Variants in GSE1 observed in about 807,000 individuals in gnomAD.
GSE1 encodes the protein genetic suppressor element 1.
A neutral mutation model predicts 112.6 loss-of-function variants in GSE1; 32 were observed. That is an observed-to-expected ratio of 0.28 (90% CI 0.21 to 0.38). The LOEUF (loss-of-function observed/expected upper bound fraction) is 0.38, where lower values mean the gene tolerates loss of function less well. GSE1 is among the 10% of genes least tolerant of loss of function. The pLI is 1.00. For missense variants in GSE1, 2,348 were observed against 1,699.2 expected (o/e 1.38, Z -6.71); for synonymous variants, 1,115 against 735.6 (o/e 1.52, Z -8.35).
In GSE1 at chr16:85,255,757, C is replaced by A. The variant is rs145877484; in HGVS notation, c.2283+83950C>A. Among the ~76,000 whole-genome samples, 15 of 151,072 alleles carry A rather than the reference C, an allele frequency of 9.9e-5. No individual in the cohort carries two copies. In the East Asian group the frequency reaches 2.9e-3, roughly 30 times the overall value. Reference sequence around the variant, plus strand: ...TTTTTGGAGTGCAGTGGCGTGATCTCGGCTCACTGTAGCCTCCACCTCCTG... The same window carrying A: ...TTTTTGGAGTGCAGTGGCGTGATCTAGGCTCACTGTAGCCTCCACCTCCTG... On this transcript the variant is annotated intron_variant, in intron 1 of 2. Transcript: ENST00000637419.
At position 85,556,755 on chromosome 16, in the gene GSE1, C is replaced by T. The variant is rs1027708351; in HGVS notation, c.37+392C>T. ...CGCCCCGATCGGGTAGCATGCCCCCCCCCCCCCCAGTCCTGGGGTTTATTT... is the reference window on the plus strand; with the variant it reads ...CGCCCCGATCGGGTAGCATGCCCCCTCCCCCCCCAGTCCTGGGGTTTATTT... On this transcript the variant is annotated intron_variant, in intron 1 of 2. Coordinates refer to the GSE1 transcript ENST00000635906. Among the ~76,000 whole-genome samples the T allele has an allele frequency of 6.9e-5, 10 of 144,094 alleles. 1 individual carries two copies. The highest frequency in any genetic ancestry group is 2.1e-4 in the East Asian group (1 of 4,790). The allele number at this position is 144,094 out of a possible 152,430, so 94.5% of individuals were successfully genotyped here.
intron 2 of GSE1, among the ~76,000 whole-genome samples, chr16:85,397,580 T>C (rs2047997247): frequency 6.6e-6 from 1 of 152,156 alleles, no homozygotes; most frequent in Non-Finnish European, 1.5e-5. Context: ...GTTCACGAGG[T>C]TCCAAAGTCA....
upstream of GSE1, among the ~76,000 whole-genome samples, chr16:85,551,568 G>A (rs560614064): frequency 2.6e-5 from 4 of 152,334 alleles, no homozygotes; most frequent in East Asian, 1.9e-4. Flanking sequence ...GGCTCACGGC[G>A]GGGCACGGTG....
At chr16:85,590,496 G>T (rs1032014985) in intron 1 of GSE1, among the ~76,000 whole-genome samples, 5 of 148,370 alleles carry the variant, frequency 3.4e-5, no homozygotes, top group Non-Finnish European at 6.0e-5. Context: ...TGAACGCATG[G>T]GCCTGTGTGT....
At chr16:85,356,672 T>C (rs2151570302) in intron 1 of GSE1, among the ~76,000 whole-genome samples, 1 of 152,354 alleles carries the variant, frequency 6.6e-6, no homozygotes, top group South Asian at 2.1e-4. Flanking sequence ...TATTTATTTT[T>C]GTAAAGATGG....
intron 1 of GSE1, among the ~76,000 whole-genome samples, chr16:85,251,210 C>T (rs545395532): frequency 1.5e-3 from 221 of 152,304 alleles, no homozygotes; most frequent in African/African-American, 4.7e-3. Context: ...GAGTGCTCTC[C>T]GCAGAGCAGC....
At chr16:85,353,573 C>T (rs2046893381) in intron 1 of GSE1, among the ~76,000 whole-genome samples, 1 of 152,212 alleles carries the variant, frequency 6.6e-6, no homozygotes. Context: ...ATTGCATCCA[C>T]CTGTAGTCCC....
chr16:85,275,820 A>C (rs1215921279), intron 1 of GSE1, among the ~76,000 whole-genome samples: 1 of 152,170 alleles, frequency 6.6e-6, no homozygotes, highest in East Asian at 1.9e-4. Context: ...CTGGGAAGGG[A>C]AGGGCTTGGC....
intron 1 of GSE1, among the ~76,000 whole-genome samples, chr16:85,293,451 C>T (rs2045279813): frequency 6.6e-6 from 1 of 152,100 alleles, no homozygotes; most frequent in Non-Finnish European, 1.5e-5. Context: ...GAGGCTGAGG[C>T]AGGAGAATCG....
At chr16:85,287,230 C>T (rs2045059012) in intron 1 of GSE1, among the ~76,000 whole-genome samples, 1 of 152,224 alleles carries the variant, frequency 6.6e-6, no homozygotes, top group African/African-American at 2.4e-5. Flanking sequence ...GCAAGACGTG[C>T]ACCACTTGGT....
intron 1 of GSE1, among the ~76,000 whole-genome samples, chr16:85,257,957 G>A (rs1231452873): frequency 1.3e-5 from 2 of 152,230 alleles, no homozygotes; most frequent in Admixed American, 6.5e-5. Context: ...GGCCTAGGAG[G>A]GCTGGTGTGA....
At chr16:85,600,825 GT>G (rs1206870904) in intron 1 of GSE1, among the ~76,000 whole-genome samples, 2 of 152,122 alleles carry the variant, frequency 1.3e-5, no homozygotes, top group Non-Finnish European at 2.9e-5. Context: ...TTTTGGCTGG[GT>G]TTATTTTGGG....
chr16:85,486,914 C>G (rs894699795), intron 2 of GSE1, among the ~76,000 whole-genome samples: 3 of 152,128 alleles, frequency 2.0e-5, no homozygotes, highest in Non-Finnish European at 4.4e-5. Flanking sequence ...AGGATTCAGG[C>G]GAAAGTATAG....
At chr16:85,516,932 G>A (rs1416283702) in intron 2 of GSE1, among the ~76,000 whole-genome samples, 1 of 151,948 alleles carries the variant, frequency 6.6e-6, no homozygotes, top group Non-Finnish European at 1.5e-5. Context: ...CGAGTAGCTG[G>A]GACTACAGGC....
Position 85,558,781 on chromosome 16 carries a change from C to T in GSE1, c.37+2418C>T, listed in dbSNP as rs576866681. Among the ~76,000 whole-genome samples, 264 of 152,272 alleles carry T rather than the reference C, an allele frequency of 1.7e-3. 1 individual carries two copies. Among genetic ancestry groups the T allele is most frequent in the African/African-American group, 5.0e-3 (208 of 41,550 alleles). On this transcript the variant is annotated intron_variant, in intron 1 of 2. Transcript: ENST00000635906. ...TGTAATATTCAGGGTGAGGGCTTAC[C>T]GGGAAGAACTATGGTCAGGGAGTGG...
chr16:85,626,288 T>A (rs915879064), intron 1 of GSE1, among the ~76,000 whole-genome samples: 18 of 152,156 alleles, frequency 1.2e-4, no homozygotes, highest in Admixed American at 6.5e-4. Context: ...AGGGCAGATA[T>A]GATAATGAAT....
chr16:85,281,473 G>T (rs2044856735), intron 1 of GSE1, among the ~76,000 whole-genome samples: 1 of 152,172 alleles, frequency 6.6e-6, no homozygotes, highest in South Asian at 2.1e-4. Context: ...CACAGGGATG[G>T]GGTGAGTGTC....
chr16:85,625,383 G>A (rs2049003150), intron 1 of GSE1, among the ~76,000 whole-genome samples: 1 of 152,216 alleles, frequency 6.6e-6, no homozygotes, highest in Admixed American at 6.5e-5. Flanking sequence ...CTAGGAGGCT[G>A]CTGTCCGCGG....
upstream of GSE1, chr16:85,555,806 T>C: frequency 1.0e-6 from 1 of 959,948 alleles, no homozygotes; most frequent in Non-Finnish European, 1.2e-6. Context: ...TGGGGGCTGT[T>C]TTTTTTTTCT....
Sources: gnomAD v4.1 joint callset for allele counts (sites outside exome capture counted in the v4.1 genomes callset) on GRCh38, gnomAD v4.1.1 for gene constraint, MANE v1.5 for transcripts, NCBI Gene and HGNC (gene_info 2026-07-23, HGNC 2026-07-21) for gene names.